DPYSL3: variants seen among roughly 807,000 people sequenced by gnomAD.
The protein encoded by DPYSL3 is dihydropyrimidinase-related protein 3.
In DPYSL3, 16 loss-of-function variants were observed where a neutral mutation model predicts 66.1. The ratio of observed to expected loss-of-function variants is 0.24; its 90% CI spans 0.16 to 0.37. The LOEUF (loss-of-function observed/expected upper bound fraction) is 0.37, where lower values mean the gene tolerates loss of function less well. DPYSL3 is among the 10% of genes least tolerant of loss of function. The probability of loss-of-function intolerance (pLI) is 1.00; values close to 1 mark genes in which losing one functional copy is unlikely to be tolerated. For missense variants in DPYSL3, 738 were observed against 916.2 expected (o/e 0.81, Z 2.51); for synonymous variants, 338 against 345.1 (o/e 0.98, Z 0.23).
chr5:147,506,062 C>A (rs12186397), intron 1 of DPYSL3, among the ~76,000 whole-genome samples: 18,008 of 152,150 alleles, frequency 0.12, 1,146 homozygotes, highest in Middle Eastern at 0.21. Flanking sequence ...TGTGAGGAAA[C>A]GACCTTTTGA....
At chr5:147,407,367 G>T (rs1228271770) in intron 7 of DPYSL3, among the ~76,000 whole-genome samples, 2 of 152,092 alleles carry the variant, frequency 1.3e-5, no homozygotes, top group East Asian at 1.9e-4. Context: ...AGGAGGGTGG[G>T]GTGGTAAGGC....
chr5:147,427,553 A>G (rs1195585764), intron 1 of DPYSL3, among the ~76,000 whole-genome samples: 4 of 152,228 alleles, frequency 2.6e-5, no homozygotes, highest in African/African-American at 7.2e-5. Flanking sequence ...CTGCAAAATT[A>G]TATGAGGCAG....
chr5:147,412,352 C>T (rs1751871244), intron 6 of DPYSL3, among the ~76,000 whole-genome samples: 1 of 152,184 alleles, frequency 6.6e-6, no homozygotes, highest in Non-Finnish European at 1.5e-5. Context: ...CCTCCTCTTC[C>T]AGGATGCCTT....
intron 1 of DPYSL3, among the ~76,000 whole-genome samples, chr5:147,471,030 A>G (rs537528480): frequency 6.6e-6 from 1 of 152,288 alleles, no homozygotes; most frequent in African/African-American, 2.4e-5. Context: ...TGGAATATAG[A>G]CAGACACTCA....
intron 1 of DPYSL3, among the ~76,000 whole-genome samples, chr5:147,442,500 A>G (rs903174523): frequency 3.3e-5 from 5 of 152,242 alleles, no homozygotes; most frequent in African/African-American, 9.6e-5. Context: ...TTCAATCTGT[A>G]GTCTGATACT....
At chr5:147,412,506 A>T (rs1441190790) in intron 6 of DPYSL3, 102 bp downstream of exon 6, 1 of 1,158,792 alleles carries the variant, frequency 8.6e-7, no homozygotes, top group Non-Finnish European at 1.3e-6. Context: ...GGTACTTATG[A>T]TGGTGCCTTG....
chr5:147,453,486 C>A, intron 1 of DPYSL3: 1 of 1,499,476 alleles, frequency 6.7e-7, no homozygotes, highest in African/African-American at 1.4e-5. Flanking sequence ...GAGCCGACCC[C>A]GCCCGCAGCG....
chr5:147,422,706 G>C (rs1271405188), intron 2 of DPYSL3, among the ~76,000 whole-genome samples: 2 of 152,104 alleles, frequency 1.3e-5, no homozygotes, highest in South Asian at 4.2e-4. Flanking sequence ...CCTTTGCAGG[G>C]ACATGGATGA....
chr5:147,446,377 C>A (rs1467657173), intron 1 of DPYSL3, among the ~76,000 whole-genome samples: 1 of 152,206 alleles, frequency 6.6e-6, no homozygotes. Flanking sequence ...CTCTTCTAGT[C>A]CGAGGAACTC....
chr5:147,397,018 TATAA>T (rs1375294630), intron 12 of DPYSL3, among the ~76,000 whole-genome samples: 2 of 113,534 alleles, frequency 1.8e-5, no homozygotes, highest in Admixed American at 1.9e-4. Context: ...AATATAAATA[TATAA>T]ATGTTTATTT....
chr5:147,442,514 G>A (rs1341306179), intron 1 of DPYSL3, among the ~76,000 whole-genome samples: 1 of 152,190 alleles, frequency 6.6e-6, no homozygotes, highest in Non-Finnish European at 1.5e-5. Context: ...TGATACTCGT[G>A]AGCTGAGTGA....
Position 147,423,429 on chromosome 5 carries a change from A to G in DPYSL3, c.470+1446T>C, listed in dbSNP as rs148343699. Among the ~76,000 whole-genome samples the G allele has an allele frequency of 3.2e-3, 489 of 152,294 alleles. 1 individual carries two copies. The highest frequency in any genetic ancestry group is 0.01 in the African/African-American group (421 of 41,564). ...TGTGCTGCTTTCTCCTCATCTCAGGAAACAGAATAATAATAGTACAGTACT... is the reference window on the plus strand; with the variant it reads ...TGTGCTGCTTTCTCCTCATCTCAGGGAACAGAATAATAATAGTACAGTACT... On this transcript the variant is annotated intron_variant, in intron 2 of 13. Coordinates refer to ENST00000343218, the MANE Select transcript of DPYSL3 (RefSeq NM_001197294.2).
intron 1 of DPYSL3, among the ~76,000 whole-genome samples, chr5:147,507,753 A>T (rs977899766): frequency 3.9e-5 from 6 of 152,220 alleles, no homozygotes; most frequent in African/African-American, 7.2e-5. Flanking sequence ...TTTCTCAATT[A>T]GTAGCCAAAA....
chr5:147,464,231 A>T lies in DPYSL3; in HGVS notation c.382-39268T>A, dbSNP rs1752978342. Among the ~76,000 whole-genome samples, 5 of 152,142 alleles carry T rather than the reference A, an allele frequency of 3.3e-5. No homozygotes were observed. The South Asian group carries it at 1.0e-3, about 32-fold the overall frequency. ...TGGACATTTTACATCAATGCCCTTT[A>T]TATGGTGCTGTGTCCCAAAAGGAAG... On this transcript the variant is annotated intron_variant, in intron 1 of 13. Coordinates refer to ENST00000343218, the MANE Select transcript of DPYSL3 (RefSeq NM_001197294.2).
chr5:147,483,313 G>A (rs1216666148), intron 1 of DPYSL3, among the ~76,000 whole-genome samples: 3 of 152,184 alleles, frequency 2.0e-5, no homozygotes, highest in African/African-American at 7.2e-5. Flanking sequence ...ACAGTAGCAA[G>A]ACACTAACAG....
intron 1 of DPYSL3, among the ~76,000 whole-genome samples, chr5:147,438,118 T>C (rs1752448047): frequency 6.6e-6 from 1 of 152,206 alleles, no homozygotes; most frequent in African/African-American, 2.4e-5. Context: ...TGGTTCCTTC[T>C]TGACAAAGCA....
At chr5:147,420,654 T>C (rs1379597421) in intron 2 of DPYSL3, among the ~76,000 whole-genome samples, 1 of 152,234 alleles carries the variant, frequency 6.6e-6, no homozygotes, top group Non-Finnish European at 1.5e-5. Context: ...AGGTTATTTC[T>C]GTTCTTATGC....
chr5:147,437,813 C>T lies in DPYSL3; in HGVS notation c.382-12850G>A, dbSNP rs1168439076. ...GGGCTTTGGAGTCCTGACTGTAAAG[C>T]GAGGAAAATAATATCTTTTTCAAAG... On this transcript the variant is annotated intron_variant, in intron 1 of 13. Coordinates refer to ENST00000343218, the MANE Select transcript of DPYSL3 (RefSeq NM_001197294.2). 2.6e-5 allele frequency among the ~76,000 whole-genome samples: 4 copies of T among 152,224 alleles called. No individual in the cohort carries two copies. The East Asian group carries it at 5.8e-4, about 22-fold the overall frequency.
At chr5:147,447,587 C>T (rs931756454) in intron 1 of DPYSL3, among the ~76,000 whole-genome samples, 2 of 152,132 alleles carry the variant, frequency 1.3e-5, no homozygotes, top group East Asian at 3.9e-4. Flanking sequence ...ACATCCATCA[C>T]AGGCCAGGTG....
Sources: allele counts gnomAD v4.1 joint callset (sites outside exome capture counted in the v4.1 genomes callset), GRCh38; gene constraint gnomAD v4.1.1; transcripts MANE v1.5; gene names NCBI Gene and HGNC (gene_info 2026-07-23, HGNC 2026-07-21).